The following CDK10 variants were observed in gnomAD, a reference collection of about 807,000 sequenced individuals.
CDK10 encodes the protein cyclin-dependent kinase 10.
Under a neutral mutation model 51.0 loss-of-function variants are expected in CDK10, and 55 were observed. That is an observed-to-expected ratio of 1.08 (90% CI 0.87 to 1.35). CDK10 has a LOEUF of 1.35. Ranked by LOEUF, CDK10 falls within the 40% of genes most tolerant of loss-of-function variation. CDK10 has a pLI of 0.00. For synonymous variants in CDK10, 255 were observed against 199.1 expected (o/e 1.28, Z -2.36); for missense variants, 589 against 485.1 (o/e 1.21, Z -2.01).
chr16:89,689,263 C>T lies in CDK10; in HGVS notation c.99C>T (p.Cys33=). The change falls in exon 2 of 13, where the codon TGC becomes TGT. Residue 33 remains cysteine (C), a synonymous_variant. Coordinates refer to ENST00000353379, the MANE Select transcript of CDK10 (RefSeq NM_052988.5). ...TVPPEHRLGR[C]RSVKEFEKLN... ...CCCTTCTGTTTCAGCTGGGACGATGCCGGAGTGTGAAGGAGTTTGAGAAGC... is the reference window on the plus strand; with the variant it reads ...CCCTTCTGTTTCAGCTGGGACGATGTCGGAGTGTGAAGGAGTTTGAGAAGC... 1 of 1,614,038 alleles carries T rather than the reference C, an allele frequency of 6.2e-7. No individual in the cohort carries two copies. The highest frequency in any genetic ancestry group is 2.2e-5 in the East Asian group (1 of 44,874).
intron 1 of CDK10, 144 bp from the exon 2 acceptor site, chr16:89,689,107 GA>G (rs1176807918): frequency 1.2e-4 from 79 of 684,570 alleles, no homozygotes; most frequent in Admixed American, 1.5e-4. Flanking sequence ...CTCAAAAAAA[GA>G]AAAAAAAAGC....
chr16:89,695,321 T>C lies in CDK10; in HGVS notation c.961T>C (p.Ser321Pro), dbSNP rs1438763580. ...GACGGCCGGGGACTGCCTGGAGAGC[T>C]CCTATTTCAAGGAGAAGCCCCTACG... is the stretch of plus-strand genomic sequence containing the variant. ...RATAGDCLES[S>P]YFKEKPLPCE... is the part of the protein sequence containing the mutation. Residue 321 changes from serine (S) to proline (P), a missense_variant, in exon 12 of 13, where the codon TCC becomes CCC. Physicochemically the swap from Ser to Pro is moderately conservative, Grantham distance 74. Coordinates refer to ENST00000353379, the MANE Select transcript of CDK10 (RefSeq NM_052988.5). 2 of 1,612,294 alleles carry C rather than the reference T, an allele frequency of 1.2e-6. No homozygotes were observed. The highest frequency in any genetic ancestry group is 1.3e-5 in the African/African-American group (1 of 75,002).
chr16:89,693,295 G>C lies in CDK10; in HGVS notation c.507G>C (p.Leu169Phe), dbSNP rs1212265268. The part of the protein sequence containing the change: ...IIHRDLKVSN[L>F]LMTDKGCVKT... ...ACAGGGACCTGAAGGTTTCCAACTT[G>C]CTCATGACCGACAAGGGTTGTGTGA... The change falls in exon 7 of 13, where the codon TTG (leucine) becomes TTC (phenylalanine). Residue 169 changes from leucine to phenylalanine, a missense_variant. Leu to Phe is a conservative substitution (Grantham distance 22). Coordinates refer to ENST00000353379, the MANE Select transcript of CDK10 (RefSeq NM_052988.5). The C allele has an allele frequency of 6.2e-7, 1 of 1,614,138 alleles. No individual in the cohort carries two copies. The highest frequency in any genetic ancestry group is 2.2e-5 in the East Asian group (1 of 44,888).
In CDK10 at chr16:89,694,220, G is replaced by A. The variant is rs1165236722; in HGVS notation, c.656G>A (p.Ser219Asn). Residue 219 changes from serine to asparagine, a missense_variant, in exon 9 of 13, where the codon AGC (serine) becomes AAC (asparagine). Transcript: ENST00000353379. ...LLLGTTTQTT[S>N]IDMWAVGCIL... ...TTGGGAACCACCACGCAGACCACCAGCATCGACATGTGGTGAGGAGATACG... is the reference window on the plus strand; with the variant it reads ...TTGGGAACCACCACGCAGACCACCAACATCGACATGTGGTGAGGAGATACG... The A allele has an allele frequency of 3.2e-5, 51 of 1,613,868 alleles. No homozygotes were observed. The highest frequency in any genetic ancestry group is 4.2e-5 in the Non-Finnish European group (50 of 1,179,928).
chr16:89,693,194 C>A, intron 6 of CDK10, 80 bp from the exon 7 acceptor site: 2 of 1,222,984 alleles, frequency 1.6e-6, no homozygotes, highest in South Asian at 1.2e-5. Context: ...TGCAGGAAGT[C>A]TACGGGCATT....
intron 10 of CDK10, 51 bp downstream of exon 10, chr16:89,694,839 C>G: frequency 8.6e-7 from 1 of 1,166,758 alleles, no homozygotes; most frequent in Non-Finnish European, 1.1e-6. Context: ...ACGCCCTCTG[C>G]GCCCGCAGCC....
chr16:89,692,904 G>C (rs901995321), intron 6 of CDK10, among the ~76,000 whole-genome samples: 4 of 151,906 alleles, frequency 2.6e-5, no homozygotes, highest in African/African-American at 9.7e-5. Flanking sequence ...TTGGGAGGCC[G>C]AGGCAGGCGG....
In CDK10 at chr16:89,687,569, TTG is replaced by T. The variant is rs1233769074; in HGVS notation, c.87+774_87+775del. 5 of 451,108 alleles carry T rather than the reference TTG, an allele frequency of 1.1e-5. No homozygotes were observed. In the Admixed American group the frequency reaches 1.2e-4, roughly 11 times the overall value. 27.9% of individuals were successfully genotyped at this position (451,108 alleles called of 1,614,324 possible). Reference sequence around the variant, plus strand: ...AAGTAGTGAGTTGGCCTTTTCTTTTTTGTTGTTTTTTTGAGACAGGGTCTAGC... The same window carrying T: ...AAGTAGTGAGTTGGCCTTTTCTTTTTTTGTTTTTTTGAGACAGGGTCTAGC... On this transcript the variant is annotated intron_variant, in intron 1 of 12. Transcript: ENST00000353379.
In CDK10 at chr16:89,691,491, G is replaced by T. The variant is rs749041801; in HGVS notation, c.281G>T (p.Arg94Leu). ...GAGATCACGCTGCTGCTCCGCCTGC[G>T]TCATCCGAACATCGTGGAGCTGAAG... is the stretch of plus-strand genomic sequence containing the variant. ...LREITLLLRL[R>L]HPNIVELKEV... The change falls in exon 4 of 13, where the codon CGT (arginine) becomes CTT (leucine). Residue 94 changes from arginine to leucine, a missense_variant. Transcript: ENST00000353379. The T allele has an allele frequency of 1.2e-6, 2 of 1,613,800 alleles. No homozygotes were observed. The highest frequency in any genetic ancestry group is 1.7e-6 in the Non-Finnish European group (2 of 1,179,950).
chr16:89,687,179 C>T (rs938129598), intron 1 of CDK10: 1 of 242,122 alleles, frequency 4.1e-6, no homozygotes, highest in Admixed American at 4.7e-5. Context: ...CGAGTTCGAG[C>T]TTGAAGGCTC....
In CDK10 at chr16:89,694,658, T is replaced by C. The variant is rs1268776012; in HGVS notation, c.669-7T>C. On this transcript the variant is annotated splice_region_variant and splice_polypyrimidine_tract_variant and intron_variant, in intron 9 of 12. Transcript: ENST00000353379. Reference sequence around the variant, plus strand: ...CTGGCCGCAGTGAGGTCCACTGTTCTCTGCAGGGCTGTGGGCTGCATACTG... The same window carrying C: ...CTGGCCGCAGTGAGGTCCACTGTTCCCTGCAGGGCTGTGGGCTGCATACTG... The C allele has an allele frequency of 6.3e-7, 1 of 1,585,972 alleles. No homozygotes were observed. Among genetic ancestry groups the C allele is most frequent in the Non-Finnish European group, 8.6e-7 (1 of 1,167,454 alleles).
Position 89,693,386 on chromosome 16 carries a change from T to C in CDK10, c.539-12T>C, listed in dbSNP as rs1445207625. 1 of 1,614,044 alleles carries C rather than the reference T, an allele frequency of 6.2e-7. No homozygotes were observed. Among genetic ancestry groups the C allele is most frequent in the African/African-American group, 1.3e-5 (1 of 75,030 alleles). On this transcript the variant is annotated splice_polypyrimidine_tract_variant and intron_variant, in intron 7 of 12. Transcript: ENST00000353379. The stretch of plus-strand genomic sequence containing the variant: ...TGGCACTTGGTGACACACACTCCCC[T>C]CTCTGCTGCAGCGGATTTCGGCCTG...
At chr16:89,687,726 C>T (rs2060262797) in intron 1 of CDK10, 2 of 385,384 alleles carry the variant, frequency 5.2e-6, no homozygotes, top group South Asian at 3.7e-5. Flanking sequence ...CCGCCCCCAG[C>T]CTGGCCTGGC....
At chr16:89,689,463 G>A (rs1412538977) in intron 2 of CDK10, 139 bp downstream of exon 2, 1 of 688,824 alleles carries the variant, frequency 1.5e-6, no homozygotes, top group Non-Finnish European at 2.6e-6. Context: ...ACCTGTTCAG[G>A]AACTTCAATT....
At chr16:89,691,750 A>C (rs1446571966) in intron 4 of CDK10, 56 bp from the exon 5 acceptor site, 16 of 1,531,372 alleles carry the variant, frequency 1.0e-5, no homozygotes, top group Non-Finnish European at 1.3e-5. Context: ...GGGAGGCTCC[A>C]CTTCCACCCC....
chr16:89,694,743 C>G lies in CDK10; in HGVS notation c.747C>G (p.Asp249Glu). The G allele has an allele frequency of 6.4e-7, 1 of 1,574,560 alleles. No homozygotes were observed. The highest frequency in any genetic ancestry group is 8.6e-7 in the Non-Finnish European group (1 of 1,160,928). ...GCACTTCCGAGATCCACCAGATCGACTTGATCGTGCAGCTGCTGGGCACGC... is the reference window on the plus strand; with the variant it reads ...GCACTTCCGAGATCCACCAGATCGAGTTGATCGTGCAGCTGCTGGGCACGC... ...LPGTSEIHQI[D>E]LIVQLLGTPS... Residue 249 changes from aspartate to glutamate, a missense_variant, in exon 10 of 13, where the codon GAC becomes GAG. Physicochemically the swap from Asp to Glu is conservative, Grantham distance 45 (BLOSUM62 2). Transcript: ENST00000353379.
chr16:89,686,974 C>A (rs1019382957), intron 1 of CDK10, 177 bp downstream of exon 1: 1 of 545,242 alleles, frequency 1.8e-6, no homozygotes, highest in South Asian at 2.5e-5. Context: ...TCAGGACCCC[C>A]GACAGCCGGT....
chr16:89,692,168 C>T (rs578249034), intron 5 of CDK10: 8 of 564,016 alleles, frequency 1.4e-5, no homozygotes, highest in South Asian at 2.2e-5. Context: ...GCACTGGTTT[C>T]CTGGGCTGCT....
At chr16:89,693,187 A>G (rs1024017454) in intron 6 of CDK10, 87 bp from the exon 7 acceptor site, 6 of 1,143,400 alleles carry the variant, frequency 5.2e-6, no homozygotes, top group East Asian at 2.4e-5. Flanking sequence ...GGAAACGTGC[A>G]GGAAGTCTAC....
Sources: allele counts gnomAD v4.1 joint callset (sites outside exome capture counted in the v4.1 genomes callset), GRCh38; gene constraint gnomAD v4.1.1; transcripts MANE v1.5; gene names NCBI Gene and HGNC (gene_info 2026-07-23, HGNC 2026-07-21).